Variants in RNF175 observed in about 807,000 individuals in gnomAD.
RNF175 encodes the protein ring finger protein 175.
RNF175 carries 38 observed loss-of-function variants against 50.0 expected under a neutral mutation model. The ratio of observed to expected loss-of-function variants is 0.76; its 90% CI spans 0.59 to 1.00. The LOEUF (loss-of-function observed/expected upper bound fraction) is 1.00. Among genes scored for constraint, RNF175 ranks in the 50% least tolerant of loss-of-function variants. The probability of loss-of-function intolerance (pLI) is 0.00; values close to 1 mark genes in which losing one functional copy is unlikely to be tolerated. For synonymous variants in RNF175, 155 were observed against 146.1 expected (o/e 1.06, Z -0.44); for missense variants, 388 against 409.6 (o/e 0.95, Z 0.46).
At chr4:153,736,309 A>C (rs1739349667) in intron 3 of RNF175, among the ~76,000 whole-genome samples, 1 of 152,188 alleles carries the variant, frequency 6.6e-6, no homozygotes, top group African/African-American at 2.4e-5. Context: ...TCTGGAATAA[A>C]TCTCACTTGA....
rs535927415 is a variant in RNF175, at chr4:153,752,853, G to A, written c.67-1378C>T. On this transcript the variant is annotated intron_variant, in intron 1 of 8. Coordinates refer to ENST00000347063, the MANE Select transcript of RNF175 (RefSeq NM_173662.4). ...GTCCAAAAGGGCAAAGTACATGAAT[G>A]AGAAATTCACGAATTGAGATATACA... Among the ~76,000 whole-genome samples, 12 of 152,228 alleles carry A rather than the reference G, an allele frequency of 7.9e-5. No homozygotes were observed. In the South Asian group the frequency reaches 2.5e-3, roughly 32 times the overall value.
chr4:153,723,479 A>G, intron 4 of RNF175, 21 bp from the exon 5 acceptor site: 1 of 1,042,334 alleles, frequency 9.6e-7, no homozygotes, highest in Non-Finnish European at 1.5e-6. Flanking sequence ...AAAAATGGGG[A>G]GAAACACAGA....
At chr4:153,736,707 G>A (rs550811408) in intron 3 of RNF175, among the ~76,000 whole-genome samples, 4 of 152,234 alleles carry the variant, frequency 2.6e-5, no homozygotes, top group African/African-American at 9.6e-5. Context: ...GGCCTATTCA[G>A]TTCATCTATT....
Position 153,748,793 on chromosome 4 carries a change from C to G in RNF175, c.105-7G>C, listed in dbSNP as rs17030413. The G allele has an allele frequency of 2.5e-6, 4 of 1,609,808 alleles. No homozygotes were observed. The highest frequency in any genetic ancestry group is 3.4e-6 in the Non-Finnish European group (4 of 1,178,066). ...CATCCTCTCCTGCTGCAGGCTGGAA[C>G]CAGCAAAATGAGGTCATCTGAAAAA... On this transcript the variant is annotated splice_region_variant and splice_polypyrimidine_tract_variant and intron_variant, in intron 2 of 8. Transcript: ENST00000347063.
At chr4:153,759,746 C>A in intron 1 of RNF175, 51 bp downstream of exon 1, 1 of 1,256,616 alleles carries the variant, frequency 8.0e-7, no homozygotes, top group Non-Finnish European at 1.1e-6. Flanking sequence ...CCAGCGTGAG[C>A]CCCGGGACCC....
In RNF175 at chr4:153,713,351, T is replaced by A. The variant is rs144570120; in HGVS notation, c.765-775A>T. On this transcript the variant is annotated intron_variant, in intron 7 of 8. Coordinates refer to ENST00000347063, the MANE Select transcript of RNF175 (RefSeq NM_173662.4). ...TAGGACTATGTCTCATTCATTTCAG[T>A]GTCCTCAGCACCTTAAGCCATGCCT... 1.7e-4 allele frequency: 26 copies of A among 152,334 alleles called. No homozygotes were observed. In the East Asian group the frequency reaches 4.2e-3, roughly 25 times the overall value. 9.4% of individuals were successfully genotyped at this position (152,334 alleles called of 1,614,324 possible).
chr4:153,736,524 A>G (rs886445353), intron 3 of RNF175, among the ~76,000 whole-genome samples: 5 of 152,204 alleles, frequency 3.3e-5, no homozygotes, highest in Non-Finnish European at 5.9e-5. Context: ...GCTGGCCTCA[A>G]TGAATGAATT....
intron 4 of RNF175, 141 bp from the exon 5 acceptor site, chr4:153,723,599 C>T (rs946442502): frequency 1.4e-5 from 8 of 584,940 alleles, no homozygotes; most frequent in African/African-American, 1.9e-5. Flanking sequence ...ATTTATAACA[C>T]ACAGAACACA....
intron 5 of RNF175, among the ~76,000 whole-genome samples, chr4:153,722,313 C>T (rs913705027): frequency 1.3e-5 from 2 of 152,212 alleles, no homozygotes; most frequent in African/African-American, 2.4e-5. Context: ...GTTATCCCTA[C>T]TTCCTTTATC....
chr4:153,756,353 T>C (rs1361420720), intron 1 of RNF175, among the ~76,000 whole-genome samples: 1 of 152,152 alleles, frequency 6.6e-6, no homozygotes, highest in Non-Finnish European at 1.5e-5. Flanking sequence ...GATATGTGAA[T>C]TAACCTGCCC....
intron 3 of RNF175, among the ~76,000 whole-genome samples, chr4:153,738,969 CT>C (rs1739499795): frequency 6.6e-6 from 1 of 152,172 alleles, no homozygotes; most frequent in Non-Finnish European, 1.5e-5. Flanking sequence ...ACACTTACAG[CT>C]TTGTTGGTAT....
At chr4:153,731,184 A>C (rs1739012927) in intron 3 of RNF175, among the ~76,000 whole-genome samples, 1 of 152,260 alleles carries the variant, frequency 6.6e-6, no homozygotes, top group Admixed American at 6.5e-5. Flanking sequence ...GACACATTTC[A>C]TATCAATTTA....
chr4:153,733,472 A>G (rs1313095296), intron 3 of RNF175, among the ~76,000 whole-genome samples: 3 of 152,228 alleles, frequency 2.0e-5, no homozygotes, highest in Non-Finnish European at 4.4e-5. Flanking sequence ...ATTCCTGTGT[A>G]CATACACAGC....
intron 1 of RNF175, among the ~76,000 whole-genome samples, chr4:153,755,311 C>T (rs1308790603): frequency 6.6e-6 from 1 of 152,238 alleles, no homozygotes; most frequent in African/African-American, 2.4e-5. Context: ...CCAGGTCACC[C>T]TCCACTGAAG....
chr4:153,757,508 A>G (rs1159894986), intron 1 of RNF175, among the ~76,000 whole-genome samples: 1 of 152,064 alleles, frequency 6.6e-6, no homozygotes, highest in Non-Finnish European at 1.5e-5. Flanking sequence ...ACTAGTGATG[A>G]CCCTGGACCA....
At chr4:153,728,830 A>G (rs1387889439) in intron 3 of RNF175, among the ~76,000 whole-genome samples, 2 of 152,214 alleles carry the variant, frequency 1.3e-5, no homozygotes, top group African/African-American at 4.8e-5. Context: ...TATCCATACG[A>G]AAGTGACAGC....
chr4:153,715,531 A>T lies in RNF175; in HGVS notation c.762T>A (p.His254Gln), dbSNP rs766983400. ...IENTYQLSCNHVFHEFCIRGW... is the reference protein window; with the variant it reads ...IENTYQLSCNQVFHEFCIRGW... ...ACAATTTCCTTTGAAAAGGATACAC[A>T]TGATTACAGGAAAGCTGGTAGGTGT... Residue 254 changes from histidine (H) to glutamine (Q), a missense_variant and splice_region_variant, in exon 7 of 9, where the codon CAT (histidine) becomes CAA (glutamine). His to Gln is a conservative substitution (Grantham distance 24). Transcript: ENST00000347063. 3.8e-6 allele frequency: 6 copies of T among 1,588,858 alleles called. No homozygotes were observed. The highest frequency in any genetic ancestry group is 5.1e-6 in the Non-Finnish European group (6 of 1,167,046).
intron 3 of RNF175, among the ~76,000 whole-genome samples, chr4:153,728,919 T>C (rs560420255): frequency 3.0e-4 from 46 of 152,230 alleles, no homozygotes; most frequent in Non-Finnish European, 5.7e-4. Context: ...CAGGGCACTC[T>C]GCAAGGTTTC....
rs370195184 is a variant in RNF175, at chr4:153,723,361, G to C, written c.499C>G (p.Leu167Val). 6.5e-7 allele frequency: 1 copy of C among 1,537,920 alleles called. No homozygotes were observed. Among genetic ancestry groups the C allele is most frequent in the Non-Finnish European group, 9.0e-7 (1 of 1,110,946 alleles). Residue 167 changes from leucine to valine, a missense_variant, in exon 5 of 9, where the codon CTG (leucine) becomes GTG (valine). Transcript: ENST00000347063. ...ATTGGAGATACTTACTTGAAAAACA[G>C]ATTGAATCCACACATTGTAAACATG... Reference protein sequence around the residue: ...AIMFTMCGFNLFFKIKARDSM... With the variant: ...AIMFTMCGFNVFFKIKARDSM...
Sources: allele counts gnomAD v4.1 joint callset (sites outside exome capture counted in the v4.1 genomes callset), GRCh38; gene constraint gnomAD v4.1.1; transcripts MANE v1.5; gene names NCBI Gene and HGNC (gene_info 2026-07-23, HGNC 2026-07-21).